GALNT13: variants seen among roughly 807,000 people sequenced by gnomAD.
The protein encoded by GALNT13 is UDP-GalNAc:polypeptide N-acetylgalactosaminyltransferase 13.
Under a neutral mutation model 64.2 loss-of-function variants are expected in GALNT13, and 28 were observed. That is an observed-to-expected ratio of 0.44 (90% CI 0.32 to 0.60). GALNT13 has a LOEUF of 0.60. GALNT13 is among the 20% of genes least tolerant of loss of function. The probability of loss-of-function intolerance (pLI) is 0.05; values close to 1 mark genes in which losing one functional copy is unlikely to be tolerated. For missense variants in GALNT13, 577 were observed against 669.8 expected (o/e 0.86, Z 1.53); for synonymous variants, 214 against 224.6 (o/e 0.95, Z 0.42).
intron 2 of GALNT13, among the ~76,000 whole-genome samples, chr2:153,917,462 T>C (rs2105329261): frequency 6.6e-6 from 1 of 152,206 alleles, no homozygotes; most frequent in Non-Finnish European, 1.5e-5. Context: ...TATGATAATA[T>C]AATTTGAAAA....
Position 154,021,016 on chromosome 2 carries a change from T to C in GALNT13, c.142+76377T>C, listed in dbSNP as rs1288185937. The stretch of plus-strand genomic sequence containing the variant: ...GTCAAAGATCCGACAGTTGTAGATA[T>C]GCGGCATTATTTCTGACGCCTCTGT... On this transcript the variant is annotated intron_variant, in intron 3 of 12. Coordinates refer to ENST00000392825, the MANE Select transcript of GALNT13 (RefSeq NM_052917.4). 2.6e-5 allele frequency among the ~76,000 whole-genome samples: 4 copies of C among 152,324 alleles called. No individual in the cohort carries two copies. The East Asian group carries it at 5.8e-4, about 22-fold the overall frequency.
chr2:153,589,222 C>G, the GALNT13 span, among the ~76,000 whole-genome samples: 3 of 152,204 alleles, frequency 2.0e-5, no homozygotes, highest in African/African-American at 7.2e-5. Context: ...ATCTCGAGGG[C>G]AGGGGCAAAA....
intron 3 of GALNT13, among the ~76,000 whole-genome samples, chr2:154,010,907 T>C (rs143413455): frequency 6.6e-6 from 1 of 151,668 alleles, no homozygotes; most frequent in East Asian, 1.9e-4. Flanking sequence ...GAGGGTTTTT[T>C]TGTGTGTGTG....
the GALNT13 span, among the ~76,000 whole-genome samples, chr2:153,682,221 C>G: frequency 6.6e-6 from 1 of 151,650 alleles, no homozygotes; most frequent in Non-Finnish European, 1.5e-5. Flanking sequence ...TGGCATTTTT[C>G]TATCAGTTGA....
intron 9 of GALNT13, among the ~76,000 whole-genome samples, chr2:154,348,540 G>A (rs1376081676): frequency 6.6e-6 from 1 of 151,984 alleles, no homozygotes; most frequent in Admixed American, 6.6e-5. Context: ...TTTGAAAAAT[G>A]TGTTCATTCC....
At chr2:154,317,614 ATCT>A (rs1158474611) in intron 9 of GALNT13, among the ~76,000 whole-genome samples, 41 of 152,188 alleles carry the variant, frequency 2.7e-4, no homozygotes, top group Admixed American at 2.3e-3. Context: ...CAGCACGAGA[ATCT>A]TCTAATAAAA....
chr2:153,966,912 C>A (rs1409180974), intron 3 of GALNT13, among the ~76,000 whole-genome samples: 3 of 151,866 alleles, frequency 2.0e-5, no homozygotes, highest in Non-Finnish European at 4.4e-5. Context: ...GGGATTAGTT[C>A]ATTCTTTTTT....
chr2:153,487,439 T>C, the GALNT13 span, among the ~76,000 whole-genome samples: 31 of 152,254 alleles, frequency 2.0e-4, no homozygotes, highest in Non-Finnish European at 4.3e-4. Context: ...AATATTTTTA[T>C]GGCAATTAAT....
intron 12 of GALNT13, among the ~76,000 whole-genome samples, chr2:154,444,629 T>C (rs773952481): frequency 6.6e-6 from 1 of 152,112 alleles, no homozygotes; most frequent in Admixed American, 6.6e-5. Context: ...TTCATGTATT[T>C]GACCTTGCAA....
intron 9 of GALNT13, among the ~76,000 whole-genome samples, chr2:154,359,844 G>C (rs1574156228): frequency 6.6e-6 from 1 of 152,184 alleles, no homozygotes; most frequent in South Asian, 2.1e-4. Flanking sequence ...TTAGATTGCT[G>C]CTCCTCAGTA....
chr2:154,319,045 C>T (rs144509885), intron 9 of GALNT13, among the ~76,000 whole-genome samples: 1 of 152,210 alleles, frequency 6.6e-6, no homozygotes, highest in East Asian at 1.9e-4. Flanking sequence ...CTTTTCACCA[C>T]AGTTTTTGTT....
chr2:154,169,443 G>T (rs1573798396), intron 4 of GALNT13, among the ~76,000 whole-genome samples: 1 of 152,114 alleles, frequency 6.6e-6, no homozygotes, highest in African/African-American at 2.4e-5. Context: ...TTGTGAGCAG[G>T]TATTAGCCAG....
chr2:154,289,028 T>C (rs1484241932), intron 8 of GALNT13, among the ~76,000 whole-genome samples: 2 of 152,238 alleles, frequency 1.3e-5, no homozygotes, highest in Non-Finnish European at 2.9e-5. Context: ...TGCACCCCTG[T>C]AGCATACCTC....
At chr2:153,209,845 C>A in the GALNT13 span, among the ~76,000 whole-genome samples, 4 of 152,092 alleles carry the variant, frequency 2.6e-5, no homozygotes, top group Non-Finnish European at 5.9e-5. Flanking sequence ...CTAAATCCCT[C>A]AACAGTGTCT....
chr2:153,607,328 G>T, the GALNT13 span, among the ~76,000 whole-genome samples: 1 of 151,988 alleles, frequency 6.6e-6, no homozygotes, highest in Admixed American at 6.6e-5. Context: ...ACCATTCTAG[G>T]CACTTGGTAA....
chr2:153,117,353 G>A, the GALNT13 span, among the ~76,000 whole-genome samples: 13 of 152,106 alleles, frequency 8.5e-5, no homozygotes, highest in South Asian at 2.1e-4. Context: ...GAATAACTTC[G>A]TAGTTATCAA....
intron 3 of GALNT13, among the ~76,000 whole-genome samples, chr2:153,984,846 A>T (rs949312199): frequency 6.6e-6 from 1 of 151,324 alleles, no homozygotes; most frequent in Non-Finnish European, 1.5e-5. Context: ...AGGTTCACTG[A>T]TCTTATCTTC....
At chr2:153,496,043 C>T in the GALNT13 span, among the ~76,000 whole-genome samples, 1 of 152,182 alleles carries the variant, frequency 6.6e-6, no homozygotes, top group Non-Finnish European at 1.5e-5. Flanking sequence ...CCAAACAAAT[C>T]AGTCTCTAGC....
intron 8 of GALNT13, among the ~76,000 whole-genome samples, chr2:154,265,290 G>T (rs1296106808): frequency 2.0e-5 from 3 of 151,766 alleles, no homozygotes. Flanking sequence ...GTAAATAAAT[G>T]AAATTTATTC....
Sources: allele counts gnomAD v4.1 joint callset (sites outside exome capture counted in the v4.1 genomes callset), GRCh38; gene constraint gnomAD v4.1.1; transcripts MANE v1.5; gene names NCBI Gene and HGNC (gene_info 2026-07-23, HGNC 2026-07-21).